ACTL8: variants seen among roughly 807,000 people sequenced by gnomAD.
ACTL8 encodes the protein actin like 8.
A neutral mutation model predicts 9.3 loss-of-function variants in ACTL8; 3 were observed. That is an observed-to-expected ratio of 0.32 (90% CI 0.15 to 0.83). The LOEUF is 0.83. Ranked by LOEUF, ACTL8 falls within the 40% of genes least tolerant of loss-of-function variation. The probability of loss-of-function intolerance (pLI) is 0.57; values close to 1 mark genes in which losing one functional copy is unlikely to be tolerated. For missense variants in ACTL8, 381 were observed against 492.2 expected (o/e 0.77, Z 2.14); for synonymous variants, 224 against 205.9 (o/e 1.09, Z -0.75).
intron 1 of ACTL8, among the ~76,000 whole-genome samples, chr1:17,794,488 C>A (rs1261517253): frequency 2.0e-5 from 3 of 152,156 alleles, no homozygotes; most frequent in Non-Finnish European, 4.4e-5. Context: ...GGCTTTCAGG[C>A]CATGATGTCT....
In ACTL8 at chr1:17,755,359, A is replaced by C. The variant is rs2065959761; in HGVS notation, c.-170A>C. 1.3e-5 allele frequency: 2 copies of C among 152,216 alleles called. No homozygotes were observed. The highest frequency in any genetic ancestry group is 4.1e-4 in the South Asian group (2 of 4,834). The allele number at this position is 152,216 out of a possible 1,614,324, so 9.4% of individuals were successfully genotyped here. On this transcript the variant is annotated 5_prime_UTR_variant, in exon 1 of 3. Transcript: ENST00000375406. ...CAGAGTAGGCTGCGGCACCACGTGC[A>C]GCCGCTCTCGTGCAGGCGTTTGCAG...
At chr1:17,793,226 T>G (rs1014543640) in intron 1 of ACTL8, among the ~76,000 whole-genome samples, 3 of 152,198 alleles carry the variant, frequency 2.0e-5, no homozygotes, top group Admixed American at 2.0e-4. Context: ...CTGCATTGGG[T>G]GCTCTTGGTC....
chr1:17,820,873 T>A (rs2124192942), intron 1 of ACTL8, among the ~76,000 whole-genome samples: 1 of 152,314 alleles, frequency 6.6e-6, no homozygotes, highest in South Asian at 2.1e-4. Context: ...TGCCACACCA[T>A]TTTCCAAAGT....
At chr1:17,805,277 C>T (rs977430435) in intron 1 of ACTL8, among the ~76,000 whole-genome samples, 6 of 151,680 alleles carry the variant, frequency 4.0e-5, no homozygotes, top group Non-Finnish European at 7.4e-5. Flanking sequence ...AAAACAGGAA[C>T]TCTTTCATCT....
intron 1 of ACTL8, among the ~76,000 whole-genome samples, chr1:17,781,351 C>T (rs1570009004): frequency 6.6e-6 from 1 of 151,920 alleles, no homozygotes; most frequent in Admixed American, 6.6e-5. Flanking sequence ...AGCGATTCTC[C>T]TTCCTCAGCC....
At chr1:17,824,611 T>G (rs551398785) in intron 2 of ACTL8, among the ~76,000 whole-genome samples, 67 of 152,250 alleles carry the variant, frequency 4.4e-4, no homozygotes, top group African/African-American at 1.4e-3. Context: ...AAATAATGTC[T>G]TAGTATTTAA....
At chr1:17,800,388 C>T (rs894657201) in intron 1 of ACTL8, among the ~76,000 whole-genome samples, 11 of 152,036 alleles carry the variant, frequency 7.2e-5, no homozygotes, top group African/African-American at 2.4e-4. Flanking sequence ...TTAAGTTGGT[C>T]ACTTTGAACG....
At chr1:17,807,514 C>A (rs896399283) in intron 1 of ACTL8, among the ~76,000 whole-genome samples, 1 of 152,058 alleles carries the variant, frequency 6.6e-6, no homozygotes, top group Non-Finnish European at 1.5e-5. Context: ...GTTGGCCTGG[C>A]GTTTGGATCA....
intron 1 of ACTL8, among the ~76,000 whole-genome samples, chr1:17,774,681 G>T (rs889683931): frequency 1.3e-5 from 2 of 152,110 alleles, no homozygotes; most frequent in African/African-American, 4.8e-5. Context: ...AGGGAGGCTG[G>T]AGTGCAGCGC....
At chr1:17,790,265 C>T (rs1355397599) in intron 1 of ACTL8, among the ~76,000 whole-genome samples, 1 of 152,222 alleles carries the variant, frequency 6.6e-6, no homozygotes, top group Non-Finnish European at 1.5e-5. Flanking sequence ...GGTCTGGGCT[C>T]CCTGAAGGGC....
intron 1 of ACTL8, among the ~76,000 whole-genome samples, chr1:17,782,068 C>A (rs1001866232): frequency 6.6e-6 from 1 of 152,000 alleles, no homozygotes; most frequent in Non-Finnish European, 1.5e-5. Context: ...TGGATCTATT[C>A]CCACAAGAAT....
chr1:17,758,641 G>A (rs1401298012), intron 1 of ACTL8, among the ~76,000 whole-genome samples: 1 of 152,172 alleles, frequency 6.6e-6, no homozygotes, highest in Admixed American at 6.5e-5. Context: ...GACAGTTCTG[G>A]AGTTACTTGG....
At chr1:17,792,694 C>G (rs745558578) in intron 1 of ACTL8, among the ~76,000 whole-genome samples, 8 of 152,198 alleles carry the variant, frequency 5.3e-5, no homozygotes, top group Non-Finnish European at 1.2e-4. Flanking sequence ...TCTTGGAGAT[C>G]GTGAGGCTCT....
At chr1:17,825,265 TTTC>T (rs910984828) in intron 2 of ACTL8, among the ~76,000 whole-genome samples, 1 of 152,110 alleles carries the variant, frequency 6.6e-6, no homozygotes, top group African/African-American at 2.4e-5. Context: ...TCTTTTTTCT[TTTC>T]TTTTCTTTTC....
Position 17,767,213 on chromosome 1 carries a change from C to A in ACTL8, c.-25+11709C>A, listed in dbSNP as rs2102676310. 6.6e-6 allele frequency among the ~76,000 whole-genome samples: 1 copy of A among 152,184 alleles called. No homozygotes were observed. Among genetic ancestry groups the A allele is most frequent in the African/African-American group, 2.4e-5 (1 of 41,540 alleles). ...CCTGCGGTGGGACTGTGGAGGCCTG[C>A]TCTGGAAACAGTGAGGAGGGCATCA... On this transcript the variant is annotated intron_variant, in intron 1 of 2. Coordinates refer to ENST00000375406, the MANE Select transcript of ACTL8 (RefSeq NM_030812.3). The surrounding 1 kb of genome is among the most constrained non-coding windows in gnomAD (Gnocchi z 4.7).
chr1:17,809,877 G>A (rs1025121298), intron 1 of ACTL8, among the ~76,000 whole-genome samples: 15 of 152,018 alleles, frequency 9.9e-5, no homozygotes, highest in African/African-American at 3.1e-4. Context: ...GAATCATTCC[G>A]TAAACCAACC....
At chr1:17,781,237 CTTT>C (rs55725416) in intron 1 of ACTL8, among the ~76,000 whole-genome samples, 24 of 135,998 alleles carry the variant, frequency 1.8e-4, no homozygotes, top group South Asian at 2.5e-4. Flanking sequence ...CATTTTCTTT[CTTT>C]TTTTTTTTTT....
intron 1 of ACTL8, among the ~76,000 whole-genome samples, chr1:17,768,398 G>A (rs1318600859): frequency 2.4e-5 from 2 of 84,292 alleles, no homozygotes; most frequent in East Asian, 7.8e-4. Context: ...CTGCAGTTTG[G>A]GGAGAGGATC....
chr1:17,783,335 GT>G (rs56666980), intron 1 of ACTL8, among the ~76,000 whole-genome samples: 4,903 of 139,020 alleles, frequency 0.035, 300 homozygotes, highest in East Asian at 0.27. Context: ...AAAAAGAGGA[GT>G]TTTTTTTTTT....
Sources: gnomAD v4.1 joint callset for allele counts (sites outside exome capture counted in the v4.1 genomes callset) on GRCh38, gnomAD v4.1.1 for gene constraint, Gnocchi (gnomAD v3.1) non-coding constraint, MANE v1.5 for transcripts, NCBI Gene and HGNC (gene_info 2026-07-23, HGNC 2026-07-21) for gene names.